The following TANC1 variants were observed in gnomAD, a reference collection of about 807,000 sequenced individuals.
TANC1 encodes the protein tetratricopeptide repeat, ankyrin repeat and coiled-coil containing 1, also known as protein TANC1.
In TANC1, 77 loss-of-function variants were observed where a neutral mutation model predicts 149.7. The ratio of observed to expected loss-of-function variants is 0.51; its 90% CI spans 0.43 to 0.62. TANC1 has a LOEUF of 0.62. Among genes scored for constraint, TANC1 ranks in the 20% least tolerant of loss-of-function variants. The pLI, the probability that TANC1 is intolerant of heterozygous loss-of-function variation, is 0.00. For missense variants in TANC1, 1,985 were observed against 2,321.8 expected, an observed-to-expected ratio of 0.85 and a Z score of 2.98; for synonymous variants, 854 against 925.0, an observed-to-expected ratio of 0.92 and a Z score of 1.39.
chr2:159,194,522 G>A (rs1365448178), intron 17 of TANC1, 29 bp downstream of exon 17: 3 of 1,585,270 alleles, frequency 1.9e-6, no homozygotes, highest in Non-Finnish European at 8.7e-7. Context: ...TTTTGGGGCT[G>A]GGGCAGGGAA....
At chr2:159,152,916 A>G (rs1173236051) in intron 7 of TANC1, among the ~76,000 whole-genome samples, 1 of 152,218 alleles carries the variant, frequency 6.6e-6, no homozygotes, top group East Asian at 1.9e-4. Context: ...TGTGTTGTCA[A>G]TGAAATATTA....
At chr2:159,197,555 C>T (rs35212036) in intron 18 of TANC1, among the ~76,000 whole-genome samples, 35,206 of 152,036 alleles carry the variant, frequency 0.23, 5,249 homozygotes, top group Non-Finnish European at 0.35. Flanking sequence ...TGAGCGGACA[C>T]ACACACAAGC....
chr2:159,160,118 G>A (rs900678034), intron 7 of TANC1, among the ~76,000 whole-genome samples: 2 of 152,172 alleles, frequency 1.3e-5, no homozygotes, highest in Non-Finnish European at 1.5e-5. Context: ...TAACCTCACA[G>A]CCTTATAAAA....
chr2:159,122,766 C>CTTTTTTTTTTTTTTTTTTTTTTTTTTT (rs35478930), intron 4 of TANC1, among the ~76,000 whole-genome samples: 1 of 144,350 alleles, frequency 6.9e-6, no homozygotes, highest in Non-Finnish European at 1.5e-5. Flanking sequence ...CTTTTTTCTT[C>CTTTTTTTTTTTTTTTTTTTTTTTTTTT]TTTTTTTTTT....
intron 1 of TANC1, among the ~76,000 whole-genome samples, chr2:158,972,617 C>T (rs1027410325): frequency 6.6e-6 from 1 of 152,164 alleles, no homozygotes; most frequent in African/African-American, 2.4e-5. Context: ...GCTGTAGGCT[C>T]TTTTATGTCT....
chr2:158,985,931 G>A lies in TANC1; in HGVS notation c.-125-15149G>A, dbSNP rs528172358. On this transcript the variant is annotated intron_variant, in intron 1 of 26. Transcript: ENST00000263635. ...GCTGCGATTATAAGCATGAGCGACC[G>A]CACCCAGCTGACTGGGCCCCCTTTG... 6.6e-5 allele frequency among the ~76,000 whole-genome samples: 10 copies of A among 152,228 alleles called. No homozygotes were observed. The East Asian group carries it at 7.7e-4, about 12-fold the overall frequency.
intron 7 of TANC1, among the ~76,000 whole-genome samples, chr2:159,159,717 T>TGA (rs56101796): frequency 0.011 from 1,297 of 114,860 alleles, 36 homozygotes; most frequent in African/African-American, 0.038. Context: ...TGTGTGTGTG[T>TGA]GAGAGAGAGA....
At chr2:159,200,993 C>G (rs555036985) in intron 19 of TANC1, among the ~76,000 whole-genome samples, 1 of 152,180 alleles carries the variant, frequency 6.6e-6, no homozygotes, top group South Asian at 2.1e-4. Flanking sequence ...TTTCATCAGG[C>G]AAGAGTTTAC....
At chr2:159,160,001 A>G (rs796748042) in intron 7 of TANC1, among the ~76,000 whole-genome samples, 24 of 152,320 alleles carry the variant, frequency 1.6e-4, no homozygotes, top group African/African-American at 5.5e-4. Flanking sequence ...TTCAAAAAAA[A>G]GAAAAGTGTT....
intron 11 of TANC1, 147 bp from the exon 12 acceptor site, chr2:159,174,806 A>G: frequency 2.8e-6 from 2 of 715,430 alleles, no homozygotes; most frequent in South Asian, 1.6e-5. Flanking sequence ...AAATGGAACA[A>G]TTATGCTAAC....
At chr2:159,211,508 C>G (rs942732592) in intron 19 of TANC1, among the ~76,000 whole-genome samples, 2 of 152,220 alleles carry the variant, frequency 1.3e-5, no homozygotes, top group African/African-American at 4.8e-5. Context: ...TGCATTAACC[C>G]TCACTGGAGC....
At chr2:159,144,082 A>T (rs1460744013) in intron 5 of TANC1, among the ~76,000 whole-genome samples, 2 of 151,904 alleles carry the variant, frequency 1.3e-5, no homozygotes, top group Admixed American at 6.6e-5. Flanking sequence ...CTCTAGAGGA[A>T]GGAAAAGAGG....
intron 3 of TANC1, among the ~76,000 whole-genome samples, chr2:159,084,198 C>T (rs892885367): frequency 4.0e-5 from 6 of 150,916 alleles, no homozygotes; most frequent in African/African-American, 7.3e-5. Flanking sequence ...TGCAGTGAGC[C>T]GAGATCGTGC....
At chr2:159,189,484 C>T (rs536024692) in intron 16 of TANC1, among the ~76,000 whole-genome samples, 101 of 152,246 alleles carry the variant, frequency 6.6e-4, no homozygotes, top group Non-Finnish European at 1.3e-3. Flanking sequence ...ATTATAACAT[C>T]GATTAATGTT....
intron 18 of TANC1, among the ~76,000 whole-genome samples, chr2:159,198,672 C>T (rs2058037369): frequency 2.0e-5 from 3 of 152,156 alleles, no homozygotes; most frequent in Middle Eastern, 3.2e-3. Flanking sequence ...GTGTGATCTG[C>T]CATGTCCTTT....
chr2:159,155,633 G>A (rs1436821694), intron 7 of TANC1, among the ~76,000 whole-genome samples: 2 of 152,182 alleles, frequency 1.3e-5, no homozygotes, highest in African/African-American at 4.8e-5. Flanking sequence ...CTGGCTAGGT[G>A]GCTTTCTGGG....
intron 2 of TANC1, among the ~76,000 whole-genome samples, chr2:159,036,420 T>A (rs1209210714): frequency 6.6e-6 from 1 of 152,184 alleles, no homozygotes; most frequent in Non-Finnish European, 1.5e-5. Context: ...GCAGGTTTCT[T>A]ACATATGTAT....
intron 2 of TANC1, among the ~76,000 whole-genome samples, chr2:159,023,156 TA>T (rs1257263553): frequency 6.6e-6 from 1 of 152,162 alleles, no homozygotes; most frequent in African/African-American, 2.4e-5. Flanking sequence ...CTTATTTCAG[TA>T]ACCCTACATT....
intron 3 of TANC1, among the ~76,000 whole-genome samples, chr2:159,068,624 C>T (rs1241871821): frequency 6.6e-6 from 1 of 152,086 alleles, no homozygotes; most frequent in Non-Finnish European, 1.5e-5. Context: ...CCTCATTTAT[C>T]CCTAAAAAAA....
Sources: allele counts gnomAD v4.1 joint callset (sites outside exome capture counted in the v4.1 genomes callset), GRCh38; gene constraint gnomAD v4.1.1; transcripts MANE v1.5; gene names NCBI Gene and HGNC (gene_info 2026-07-23, HGNC 2026-07-21).